CACNA2D3: variants seen among roughly 807,000 people sequenced by gnomAD.
CACNA2D3 encodes the protein voltage-dependent calcium channel subunit alpha-2/delta-3.
CACNA2D3 carries 60 observed loss-of-function variants against 160.6 expected under a neutral mutation model. That is an observed-to-expected ratio of 0.37 (90% CI 0.30 to 0.46). The LOEUF (loss-of-function observed/expected upper bound fraction) is 0.46. Among genes scored for constraint, CACNA2D3 ranks in the 20% least tolerant of loss-of-function variants. CACNA2D3 has a pLI of 1.00. For synonymous variants in CACNA2D3, 558 were observed against 492.9 expected (o/e 1.13, Z -1.75); for missense variants, 1,205 against 1,365.0 (o/e 0.88, Z 1.85).
intron 27 of CACNA2D3, among the ~76,000 whole-genome samples, chr3:54,900,304 A>G (rs767986443): frequency 5.9e-5 from 9 of 152,102 alleles, no homozygotes; most frequent in Non-Finnish European, 1.2e-4. Flanking sequence ...CATCCCCCTA[A>G]TCCCCCTGGG....
intron 27 of CACNA2D3, among the ~76,000 whole-genome samples, chr3:54,917,027 A>C (rs1172310909): frequency 1.3e-5 from 2 of 152,182 alleles, no homozygotes; most frequent in Non-Finnish European, 2.9e-5. Flanking sequence ...TGCTTTTAAC[A>C]TGTCCATAAC....
At chr3:54,816,425 G>A (rs748463980) in intron 13 of CACNA2D3, among the ~76,000 whole-genome samples, 4 of 152,070 alleles carry the variant, frequency 2.6e-5, no homozygotes, top group Non-Finnish European at 5.9e-5. Context: ...AACAGCTCTC[G>A]CTCCCTTCCC....
chr3:54,454,102 C>T (rs1172867759), intron 4 of CACNA2D3, among the ~76,000 whole-genome samples: 1 of 152,188 alleles, frequency 6.6e-6, no homozygotes, highest in African/African-American at 2.4e-5. Flanking sequence ...TATGAATCTG[C>T]ACACACCCTC....
chr3:54,936,565 T>TC (rs36010239), intron 27 of CACNA2D3, among the ~76,000 whole-genome samples: 1 of 152,336 alleles, frequency 6.6e-6, no homozygotes, highest in South Asian at 2.1e-4. Context: ...ATGGGCACCT[T>TC]CCCCTTCTGG....
intron 27 of CACNA2D3, among the ~76,000 whole-genome samples, chr3:54,932,844 A>G (rs1701225038): frequency 6.6e-6 from 1 of 152,224 alleles, no homozygotes; most frequent in South Asian, 2.1e-4. Context: ...TGACAGCTGC[A>G]GCCAGGAATA....
intron 2 of CACNA2D3, among the ~76,000 whole-genome samples, chr3:54,263,396 A>G (rs975179570): frequency 6.6e-6 from 1 of 152,234 alleles, no homozygotes; most frequent in African/African-American, 2.4e-5. Context: ...TTTAATTATG[A>G]GAGCATCTCA....
intron 5 of CACNA2D3, among the ~76,000 whole-genome samples, chr3:54,505,301 A>G (rs936649924): frequency 6.6e-6 from 1 of 152,218 alleles, no homozygotes; most frequent in African/African-American, 2.4e-5. Flanking sequence ...TATTGGCCAC[A>G]GTGTGGACAG....
At chr3:54,763,733 A>ATGTGTATATATGTGCATATATATACATAT (rs1702138413) in intron 12 of CACNA2D3, among the ~76,000 whole-genome samples, 2 of 72,442 alleles carry the variant, frequency 2.8e-5, no homozygotes, top group African/African-American at 3.7e-5. Flanking sequence ...ATACATATAT[A>ATGTGTATATATGTGCATATATATACATAT]TGTGTATATA....
chr3:55,058,629 GT>G (rs892492026), intron 35 of CACNA2D3, among the ~76,000 whole-genome samples: 51 of 149,326 alleles, frequency 3.4e-4, no homozygotes, highest in Middle Eastern at 3.5e-3. Context: ...ATATATATAT[GT>G]TTTTTTTAAA....
At chr3:54,739,751 ATGTG>A (rs5849058) in intron 11 of CACNA2D3, among the ~76,000 whole-genome samples, 9,848 of 145,792 alleles carry the variant, frequency 0.068, 456 homozygotes, top group East Asian at 0.27. Flanking sequence ...CTCCTCATAT[ATGTG>A]TGTGTGTGTG....
intron 2 of CACNA2D3, among the ~76,000 whole-genome samples, chr3:54,148,573 G>A: frequency 6.6e-6 from 1 of 152,204 alleles, no homozygotes; most frequent in East Asian, 1.9e-4. Context: ...AGGAGGTGGA[G>A]TTGGCCAGCA....
chr3:54,407,416 G>C (rs1027496881), intron 4 of CACNA2D3, among the ~76,000 whole-genome samples: 9 of 152,140 alleles, frequency 5.9e-5, no homozygotes, highest in African/African-American at 2.2e-4. Flanking sequence ...TTTTTAATGT[G>C]TATCAGCTTG....
At chr3:54,806,784 C>T (rs1703140041) in intron 13 of CACNA2D3, among the ~76,000 whole-genome samples, 1 of 152,014 alleles carries the variant, frequency 6.6e-6, no homozygotes, top group Non-Finnish European at 1.5e-5. Flanking sequence ...GGAGGCATCA[C>T]ACTACCTGAC....
chr3:54,412,114 G>A (rs1699677235), intron 4 of CACNA2D3, among the ~76,000 whole-genome samples: 1 of 152,106 alleles, frequency 6.6e-6, no homozygotes, highest in African/African-American at 2.4e-5. Context: ...AGTCTTTTGT[G>A]TCTGGTTTCT....
rs114757394 is a variant in CACNA2D3 at position 54,270,414 on chromosome 3, C to T, written c.205-50028C>T. Among the ~76,000 whole-genome samples the T allele has an allele frequency of 9.4e-3, 1,436 of 152,282 alleles. 24 individuals are homozygous for T. Among genetic ancestry groups the T allele is most frequent in the African/African-American group, 0.033 (1,352 of 41,552 alleles). On this transcript the variant is annotated intron_variant, in intron 2 of 37. Coordinates refer to ENST00000474759, the MANE Select transcript of CACNA2D3 (RefSeq NM_018398.3). The stretch of plus-strand genomic sequence containing the variant: ...TGACACTGCTCTTGAATATACCCCA[C>T]GAGTTGGCTTCCACCATTGCCACCA...
At chr3:54,139,120 C>T (rs1028321168) in intron 2 of CACNA2D3, among the ~76,000 whole-genome samples, 1 of 152,216 alleles carries the variant, frequency 6.6e-6, no homozygotes, top group African/African-American at 2.4e-5. Flanking sequence ...AAGGTCAGCA[C>T]AGTTCCAGAG....
chr3:54,305,216 C>T (rs1703570843), intron 2 of CACNA2D3, among the ~76,000 whole-genome samples: 1 of 152,136 alleles, frequency 6.6e-6, no homozygotes, highest in Non-Finnish European at 1.5e-5. Context: ...TTGAACTTGA[C>T]ACTTTATGTA....
chr3:55,016,892 G>A (rs1288575261), intron 34 of CACNA2D3, among the ~76,000 whole-genome samples: 3 of 152,124 alleles, frequency 2.0e-5, no homozygotes, highest in Admixed American at 6.5e-5. Context: ...GCTTAGAATC[G>A]TTTCCTGATC....
At chr3:54,626,094 C>A in intron 9 of CACNA2D3, 1 of 579,082 alleles carries the variant, frequency 1.7e-6, no homozygotes. Flanking sequence ...GTTTCCCCAG[C>A]GGACAAAAGT....
Sources: allele counts gnomAD v4.1 joint callset (sites outside exome capture counted in the v4.1 genomes callset), GRCh38; gene constraint gnomAD v4.1.1; transcripts MANE v1.5; gene names NCBI Gene and HGNC (gene_info 2026-07-23, HGNC 2026-07-21).